The following TSC22D2 variants were observed in gnomAD, a reference collection of about 807,000 sequenced individuals.
The protein encoded by TSC22D2 is TSC22 domain family protein 2.
TSC22D2 carries 5 observed loss-of-function variants against 50.1 expected under a neutral mutation model. That is an observed-to-expected ratio of 0.10 (90% confidence interval 0.05 to 0.21). TSC22D2 has a LOEUF of 0.21. Ranked by LOEUF, TSC22D2 falls within the 10% of genes least tolerant of loss-of-function variation. The probability of loss-of-function intolerance (pLI) is 1.00; values close to 1 mark genes in which losing one functional copy is unlikely to be tolerated. For missense variants in TSC22D2, 1,003 were observed against 1,015.5 expected (o/e 0.99, Z 0.17); for synonymous variants, 501 against 450.1 (o/e 1.11, Z -1.43).
chr3:150,453,008 C>T (rs1576558245), intron 1 of TSC22D2, among the ~76,000 whole-genome samples: 1 of 152,192 alleles, frequency 6.6e-6, no homozygotes, highest in East Asian at 1.9e-4. Context: ...TCATTTTTCC[C>T]TCATGCTTCT....
At chr3:150,452,210 C>T (rs978206717) in intron 1 of TSC22D2, among the ~76,000 whole-genome samples, 6 of 152,084 alleles carry the variant, frequency 3.9e-5, no homozygotes, top group Non-Finnish European at 7.4e-5. Context: ...CTTTGGGAGG[C>T]GAAGGCAGGC....
At chr3:150,424,798 A>G (rs1344401791) in intron 1 of TSC22D2, among the ~76,000 whole-genome samples, 1 of 152,222 alleles carries the variant, frequency 6.6e-6, no homozygotes, top group Non-Finnish European at 1.5e-5. Flanking sequence ...TAATAAAATC[A>G]AAATATAATC....
At chr3:150,433,683 G>A (rs1235616381) in intron 1 of TSC22D2, among the ~76,000 whole-genome samples, 1 of 152,160 alleles carries the variant, frequency 6.6e-6, no homozygotes, top group Admixed American at 6.5e-5. Context: ...AGAAAATGTT[G>A]CTAAATGTAT....
At chr3:150,434,211 C>G (rs1720466651) in intron 1 of TSC22D2, among the ~76,000 whole-genome samples, 2 of 150,168 alleles carry the variant, frequency 1.3e-5, no homozygotes, top group South Asian at 4.2e-4. Context: ...TGCAGTGGCA[C>G]AATGTTGGCT....
chr3:150,449,168 C>A (rs955943163), intron 1 of TSC22D2, among the ~76,000 whole-genome samples: 5 of 152,218 alleles, frequency 3.3e-5, no homozygotes, highest in African/African-American at 1.2e-4. Context: ...CCTTATCTTG[C>A]AGAATGAAAT....
At chr3:150,431,335 A>G (rs1328818224) in intron 1 of TSC22D2, among the ~76,000 whole-genome samples, 2 of 151,866 alleles carry the variant, frequency 1.3e-5, no homozygotes. Context: ...TACCAACAAT[A>G]TAATTACCAA....
At chr3:150,433,333 G>A (rs9813752) in intron 1 of TSC22D2, among the ~76,000 whole-genome samples, 88,490 of 152,074 alleles carry the variant, frequency 0.58, 26,164 homozygotes, top group Non-Finnish European at 0.64. Context: ...GTCCCCAGCT[G>A]TTTATGTGGC....
In TSC22D2 at chr3:150,408,604, C is replaced by T. The variant is rs189318578; in HGVS notation, c.-747C>T. 2.3e-3 allele frequency: 358 copies of T among 152,668 alleles called. 2 individuals carry two copies. The highest frequency in any genetic ancestry group is 0.021 in the Middle Eastern group (6 of 292). The allele number at this position is 152,668 out of a possible 1,614,324, so 9.5% of individuals were successfully genotyped here. ...CGCCCGCCCGCAGGGGTGGTTCCCC[C>T]TGTAAGGGGAGGACCGAGCCGGCTT... On this transcript the variant is annotated 5_prime_UTR_variant, in exon 1 of 3. Transcript: ENST00000688009.
chr3:150,435,134 T>C (rs1456636009), intron 1 of TSC22D2, among the ~76,000 whole-genome samples: 1 of 152,010 alleles, frequency 6.6e-6, no homozygotes, highest in Admixed American at 6.6e-5. Flanking sequence ...CCCACCACCA[T>C]GCCTGCCTAA....
chr3:150,450,530 A>G (rs11914555), intron 1 of TSC22D2, among the ~76,000 whole-genome samples: 4,333 of 152,174 alleles, frequency 0.028, 217 homozygotes, highest in African/African-American at 0.099. Context: ...TTAGAATAAC[A>G]TAACATTTTG....
intron 2 of TSC22D2, among the ~76,000 whole-genome samples, chr3:150,457,964 C>CA (rs1721242025): frequency 1.3e-5 from 2 of 151,986 alleles, no homozygotes; most frequent in Admixed American, 6.6e-5. Context: ...TTAAAAATAC[C>CA]AAAATTTTAA....
chr3:150,434,009 A>G (rs1399005101), intron 1 of TSC22D2, among the ~76,000 whole-genome samples: 2 of 152,214 alleles, frequency 1.3e-5, no homozygotes, highest in Non-Finnish European at 2.9e-5. Flanking sequence ...CACGAGGTAG[A>G]GGTTGCAGGG....
intron 1 of TSC22D2, among the ~76,000 whole-genome samples, chr3:150,451,939 C>CCCTGAGCT (rs1250684673): frequency 6.6e-6 from 1 of 152,118 alleles, no homozygotes; most frequent in South Asian, 2.1e-4. Context: ...CAGTAATGAA[C>CCCTGAGCT]CCTGAGCTCC....
intron 1 of TSC22D2, among the ~76,000 whole-genome samples, chr3:150,426,050 A>C (rs997058732): frequency 2.0e-5 from 3 of 152,174 alleles, no homozygotes; most frequent in African/African-American, 7.2e-5. Context: ...AGGTGCCATC[A>C]TGGTTTCTGT....
chr3:150,456,312 T>C (rs1373558938), intron 1 of TSC22D2, among the ~76,000 whole-genome samples: 1 of 151,678 alleles, frequency 6.6e-6, no homozygotes, highest in African/African-American at 2.4e-5. Flanking sequence ...CTCAGCCTCC[T>C]GAGTAGCTGA....
chr3:150,458,142 G>A (rs1721252731), intron 2 of TSC22D2, among the ~76,000 whole-genome samples: 1 of 151,184 alleles, frequency 6.6e-6, no homozygotes, highest in Non-Finnish European at 1.5e-5. Context: ...TAAGAAGCTA[G>A]TATTTTTTGG....
chr3:150,427,675 G>A (rs1443044961), intron 1 of TSC22D2, among the ~76,000 whole-genome samples: 1 of 151,802 alleles, frequency 6.6e-6, no homozygotes. Context: ...ATTTCAACCT[G>A]TTCCACTAAA....
rs992950307 is a variant in TSC22D2, at chr3:150,463,389, C to T, written c.*4753C>T. 6.6e-6 allele frequency: 1 copy of T among 152,180 alleles called. No homozygotes were observed. Among genetic ancestry groups the T allele is most frequent in the African/African-American group, 2.4e-5 (1 of 41,436 alleles). The allele number at this position is 152,180 out of a possible 1,614,324, so 9.4% of individuals were successfully genotyped here. Reference sequence around the variant, plus strand: ...TCCAAAACCAGACCTTTTCTCCCACCTCCTTCTGCTTCAAGCCTCTTAATA... The same window carrying T: ...TCCAAAACCAGACCTTTTCTCCCACTTCCTTCTGCTTCAAGCCTCTTAATA... On this transcript the variant is annotated 3_prime_UTR_variant, in exon 3 of 3. Transcript: ENST00000688009.
rs746255182 is a variant in TSC22D2, at chr3:150,410,365, C to T, written c.1015C>T (p.Pro339Ser). ...VTLAQPAMSL[P>S]PQPGPAVGAP... ...CCTGGCGCAGCCGGCTATGTCCCTG[C>T]CTCCGCAGCCGGGCCCTGCAGTGGG... The change falls in exon 1 of 3, where the codon CCT becomes TCT. Residue 339 changes from proline to serine, a missense_variant. Coordinates refer to ENST00000688009, the MANE Select transcript of TSC22D2 (RefSeq NM_001303264.2). 6 of 1,601,260 alleles carry T rather than the reference C, an allele frequency of 3.7e-6. No individual in the cohort carries two copies. The highest frequency in any genetic ancestry group is 5.1e-6 in the Non-Finnish European group (6 of 1,174,350).
Sources: gnomAD v4.1 joint callset for allele counts (sites outside exome capture counted in the v4.1 genomes callset) on GRCh38, gnomAD v4.1.1 for gene constraint, MANE v1.5 for transcripts, NCBI Gene and HGNC (gene_info 2026-07-23, HGNC 2026-07-21) for gene names.